Variants in MTUS2 observed in about 807,000 individuals in gnomAD.
MTUS2 encodes the protein microtubule associated scaffold protein 2.
MTUS2 carries 40 observed loss-of-function variants against 114.1 expected under a neutral mutation model. That is an observed-to-expected ratio of 0.35 (90% CI 0.27 to 0.46). The LOEUF (loss-of-function observed/expected upper bound fraction) is 0.46, where lower values mean the gene tolerates loss of function less well. Among genes scored for constraint, MTUS2 ranks in the 20% least tolerant of loss-of-function variants. MTUS2 has a pLI of 1.00. For synonymous variants in MTUS2, 688 were observed against 672.0 expected (o/e 1.02, Z -0.37); for missense variants, 1,679 against 1,705.4 (o/e 0.98, Z 0.27).
At chr13:29,433,341 T>C (rs548188893) in intron 8 of MTUS2, among the ~76,000 whole-genome samples, 4 of 152,312 alleles carry the variant, frequency 2.6e-5, no homozygotes, top group African/African-American at 9.6e-5. Flanking sequence ...CTGAAATGTA[T>C]TGAAGAGTAT....
At chr13:29,288,774 A>G (rs144999253) in intron 6 of MTUS2, among the ~76,000 whole-genome samples, 11 of 152,258 alleles carry the variant, frequency 7.2e-5, no homozygotes, top group Admixed American at 2.0e-4. Context: ...CTGCCCCTCC[A>G]CTACCTACTG....
chr13:29,108,073 A>G (rs1249220639), intron 5 of MTUS2, among the ~76,000 whole-genome samples: 1 of 152,236 alleles, frequency 6.6e-6, no homozygotes, highest in African/African-American at 2.4e-5. Flanking sequence ...ATTTACATAC[A>G]TAACACATTT....
At chr13:28,953,767 T>C (rs1232978567) in intron 2 of MTUS2, among the ~76,000 whole-genome samples, 1 of 152,228 alleles carries the variant, frequency 6.6e-6, no homozygotes, top group Non-Finnish European at 1.5e-5. Flanking sequence ...TTTTGACATC[T>C]AGCCTTTCCT....
intron 8 of MTUS2, among the ~76,000 whole-genome samples, chr13:29,433,383 C>G (rs745553597): frequency 1.3e-5 from 2 of 152,296 alleles, no homozygotes; most frequent in South Asian, 4.1e-4. Context: ...TTCTGACAAG[C>G]CTATATGAAA....
intron 5 of MTUS2, among the ~76,000 whole-genome samples, chr13:29,249,878 G>A (rs1434542515): frequency 6.6e-6 from 1 of 152,118 alleles, no homozygotes; most frequent in Non-Finnish European, 1.5e-5. Flanking sequence ...ATTAACTCAA[G>A]ATGGATTAAA....
chr13:29,382,554 G>A (rs917227580), intron 8 of MTUS2, among the ~76,000 whole-genome samples: 11 of 152,194 alleles, frequency 7.2e-5, no homozygotes, highest in African/African-American at 2.4e-4. Context: ...AGAAGTTTAC[G>A]AACTGAGTTC....
At chr13:29,207,379 T>C (rs1181072259) in intron 5 of MTUS2, among the ~76,000 whole-genome samples, 1 of 152,186 alleles carries the variant, frequency 6.6e-6, no homozygotes, top group Non-Finnish European at 1.5e-5. Flanking sequence ...ACAGCGACAG[T>C]TTCACTTCTT....
At chr13:29,149,974 G>T (rs1892601768) in intron 5 of MTUS2, among the ~76,000 whole-genome samples, 1 of 152,082 alleles carries the variant, frequency 6.6e-6, no homozygotes, top group Admixed American at 6.5e-5. Flanking sequence ...TGTTCTTTTT[G>T]ATTAGGATTG....
rs192043028 is a variant in MTUS2 at position 29,326,948 on chromosome 13, C to G, written c.2905+2237C>G. Among the ~76,000 whole-genome samples, 1,457 of 152,052 alleles carry G rather than the reference C, an allele frequency of 9.6e-3. 12 individuals are homozygous for G. Among genetic ancestry groups the G allele is most frequent in the Non-Finnish European group, 0.013 (906 of 67,976 alleles). The stretch of plus-strand genomic sequence containing the variant: ...TGAGCCAAGGTCACGCCACTACACT[C>G]CAGCCTCGGCAACAGACTGAGATTC... On this transcript the variant is annotated intron_variant, in intron 7 of 15. Coordinates refer to ENST00000612955, the MANE Select transcript of MTUS2 (RefSeq NM_001033602.4).
rs559322671 is a variant in MTUS2, at chr13:29,505,764, C to G, written c.*2558C>G. The G allele has an allele frequency of 1.3e-5, 3 of 229,282 alleles. No individual in the cohort carries two copies. Among genetic ancestry groups the G allele is most frequent in the Non-Finnish European group, 2.6e-5 (3 of 115,564 alleles). The allele number at this position is 229,282 out of a possible 1,614,324, so 14.2% of individuals were successfully genotyped here. On this transcript the variant is annotated 3_prime_UTR_variant, in exon 16 of 16. Coordinates refer to ENST00000612955, the MANE Select transcript of MTUS2 (RefSeq NM_001033602.4). The stretch of plus-strand genomic sequence containing the variant: ...TGGGCGGCCTGCCCCCCGACCGCCG[C>G]CCCTGCCCACCACATGCTGGGACAA...
At chr13:28,852,956 C>G (rs550298011) in intron 2 of MTUS2, among the ~76,000 whole-genome samples, 3 of 144,006 alleles carry the variant, frequency 2.1e-5, no homozygotes, top group South Asian at 4.3e-4. Context: ...TAAATACATA[C>G]ATACATACAT....
At chr13:29,089,915 T>C (rs2475534) in intron 4 of MTUS2, among the ~76,000 whole-genome samples, 98,281 of 151,930 alleles carry the variant, frequency 0.65, 32,889 homozygotes, top group Non-Finnish European at 0.74. Flanking sequence ...CATCCATATT[T>C]TGATTCTATG....
chr13:29,305,690 C>T (rs932231833), intron 6 of MTUS2, among the ~76,000 whole-genome samples: 5 of 152,126 alleles, frequency 3.3e-5, no homozygotes, highest in Non-Finnish European at 7.3e-5. Context: ...GGATTCACAG[C>T]TAAATTCTAC....
intron 2 of MTUS2, among the ~76,000 whole-genome samples, chr13:28,902,983 A>G (rs1879736837): frequency 1.3e-5 from 2 of 152,148 alleles, no homozygotes; most frequent in South Asian, 4.1e-4. Context: ...TACCTGATGA[A>G]TTAAACTCTT....
intron 5 of MTUS2, among the ~76,000 whole-genome samples, chr13:29,186,418 G>A (rs968143150): frequency 6.6e-6 from 1 of 151,970 alleles, no homozygotes; most frequent in African/African-American, 2.4e-5. Flanking sequence ...AGTAAAGAAT[G>A]GGAAAAATAA....
At chr13:29,424,541 C>G (rs1415690810) in intron 8 of MTUS2, among the ~76,000 whole-genome samples, 7 of 152,112 alleles carry the variant, frequency 4.6e-5, no homozygotes, top group Non-Finnish European at 7.4e-5. Flanking sequence ...GGGAACTTAA[C>G]AGTGGAGATG....
chr13:29,434,497 C>T (rs1041531209), intron 8 of MTUS2, among the ~76,000 whole-genome samples: 1 of 152,190 alleles, frequency 6.6e-6, no homozygotes, highest in African/African-American at 2.4e-5. Flanking sequence ...ATAGTAGGCA[C>T]TCAGTGAGTA....
At chr13:29,395,999 A>G (rs185974344) in intron 8 of MTUS2, among the ~76,000 whole-genome samples, 1 of 152,340 alleles carries the variant, frequency 6.6e-6, no homozygotes, top group Non-Finnish European at 1.5e-5. Context: ...TTTGGGCTTC[A>G]TGAAACAAAT....
At chr13:29,409,830 A>C (rs1036403048) in intron 8 of MTUS2, among the ~76,000 whole-genome samples, 2 of 148,200 alleles carry the variant, frequency 1.3e-5, no homozygotes, top group African/African-American at 5.0e-5. Flanking sequence ...ATAGTACTCC[A>C]TTGAGTGACT....
Sources: gnomAD v4.1 joint callset for allele counts (sites outside exome capture counted in the v4.1 genomes callset) on GRCh38, gnomAD v4.1.1 for gene constraint, MANE v1.5 for transcripts, NCBI Gene and HGNC (gene_info 2026-07-23, HGNC 2026-07-21) for gene names.